The following FAM110B variants were observed in gnomAD, a reference collection of about 807,000 sequenced individuals.
The protein encoded by FAM110B is protein FAM110B.
In FAM110B, 6 loss-of-function variants were observed where a neutral mutation model predicts 20.4. The ratio of observed to expected loss-of-function variants is 0.29; its 90% CI spans 0.16 to 0.58. FAM110B has a LOEUF of 0.58. FAM110B is among the 20% of genes least tolerant of loss of function. The pLI is 0.90. For missense variants in FAM110B, 434 were observed against 498.2 expected, an observed-to-expected ratio of 0.87 and a Z score of 1.23; for synonymous variants, 226 against 214.1, an observed-to-expected ratio of 1.06 and a Z score of -0.49.
chr8:58,003,735 C>T (rs893314271), intron 1 of FAM110B, among the ~76,000 whole-genome samples: 1 of 152,142 alleles, frequency 6.6e-6, no homozygotes. Context: ...TTAAAATATT[C>T]AGTAGATCAT....
intron 3 of FAM110B, among the ~76,000 whole-genome samples, chr8:58,119,913 A>C (rs950617847): frequency 2.0e-5 from 3 of 152,242 alleles, no homozygotes; most frequent in African/African-American, 7.2e-5. Flanking sequence ...GAGAAAACCA[A>C]GACTCAGGTT....
At chr8:57,996,071 C>T (rs1354799473) in intron 1 of FAM110B, among the ~76,000 whole-genome samples, 2 of 152,170 alleles carry the variant, frequency 1.3e-5, no homozygotes, top group East Asian at 3.8e-4. Flanking sequence ...ATTTTTGTGA[C>T]ATCACAACCC....
At chr8:58,078,610 G>T (rs1319128453) in intron 3 of FAM110B, among the ~76,000 whole-genome samples, 2 of 145,644 alleles carry the variant, frequency 1.4e-5, no homozygotes, top group Non-Finnish European at 3.0e-5. Flanking sequence ...GAGTGCAGTG[G>T]TGCGATCTCG....
intron 2 of FAM110B, among the ~76,000 whole-genome samples, chr8:58,033,629 G>A (rs1805015984): frequency 6.6e-6 from 1 of 152,154 alleles, no homozygotes; most frequent in South Asian, 2.1e-4. Context: ...CTTCTCAAAA[G>A]GAGACATAAC....
chr8:58,035,887 C>G (rs1180793851), intron 2 of FAM110B, among the ~76,000 whole-genome samples: 1 of 152,012 alleles, frequency 6.6e-6, no homozygotes, highest in Non-Finnish European at 1.5e-5. Flanking sequence ...CCCTGCTTGC[C>G]CCTTCCCCCT....
chr8:58,007,626 A>G (rs532669246), intron 1 of FAM110B, among the ~76,000 whole-genome samples: 14 of 152,160 alleles, frequency 9.2e-5, no homozygotes, highest in Non-Finnish European at 2.1e-4. Flanking sequence ...GTGCCCTTGT[A>G]AAAGAAACCC....
intron 3 of FAM110B, among the ~76,000 whole-genome samples, chr8:58,105,813 G>T (rs529472714): frequency 6.6e-6 from 1 of 151,688 alleles, no homozygotes; most frequent in Non-Finnish European, 1.5e-5. Context: ...CTTGTGATCC[G>T]CCCGCCTCAG....
chr8:58,013,694 A>C (rs950403077), intron 1 of FAM110B, among the ~76,000 whole-genome samples: 3 of 152,134 alleles, frequency 2.0e-5, no homozygotes, highest in Non-Finnish European at 4.4e-5. Context: ...TTATCTTGAC[A>C]CATCATCCTC....
chr8:58,078,673 C>T (rs1216772532), intron 3 of FAM110B, among the ~76,000 whole-genome samples: 5 of 151,492 alleles, frequency 3.3e-5, no homozygotes, highest in Non-Finnish European at 7.4e-5. Context: ...GCCTCAGCCT[C>T]CCAAGTAGCT....
chr8:58,116,078 G>A (rs1345162128), intron 3 of FAM110B, among the ~76,000 whole-genome samples: 1 of 152,184 alleles, frequency 6.6e-6, no homozygotes, highest in Non-Finnish European at 1.5e-5. Context: ...TACTAGTATG[G>A]AAGACATACA....
intron 1 of FAM110B, among the ~76,000 whole-genome samples, chr8:58,012,472 T>C (rs1269837455): frequency 6.6e-6 from 1 of 152,174 alleles, no homozygotes; most frequent in East Asian, 1.9e-4. Context: ...TTTATTTTGA[T>C]AGGTGAGAAA....
intron 1 of FAM110B, among the ~76,000 whole-genome samples, chr8:58,011,893 T>C (rs945818252): frequency 5.9e-5 from 9 of 152,218 alleles, no homozygotes; most frequent in Non-Finnish European, 7.3e-5. Flanking sequence ...CAAGGAGTTA[T>C]GTTAGACCCC....
intron 3 of FAM110B, among the ~76,000 whole-genome samples, chr8:58,143,874 A>T (rs1803796408): frequency 6.6e-6 from 1 of 152,236 alleles, no homozygotes; most frequent in African/African-American, 2.4e-5. Context: ...TGAGAACTAC[A>T]ACTCATCTTC....
intron 2 of FAM110B, among the ~76,000 whole-genome samples, chr8:58,064,756 A>G (rs1413636367): frequency 6.6e-6 from 1 of 152,228 alleles, no homozygotes; most frequent in Non-Finnish European, 1.5e-5. Context: ...AATGTTCCAG[A>G]TGAGAAAATT....
At chr8:58,063,855 A>T (rs73236461) in intron 2 of FAM110B, among the ~76,000 whole-genome samples, 7,436 of 152,250 alleles carry the variant, frequency 0.049, 220 homozygotes, top group South Asian at 0.11. Context: ...TGCCTTATAA[A>T]GGTGTATTAG....
At chr8:58,013,072 G>A (rs1804570807) in intron 1 of FAM110B, among the ~76,000 whole-genome samples, 1 of 152,186 alleles carries the variant, frequency 6.6e-6, no homozygotes, top group Non-Finnish European at 1.5e-5. Context: ...AGACCTGGGA[G>A]GGGCTGTGGA....
At chr8:57,995,670 G>A (rs1804170639) in intron 1 of FAM110B, among the ~76,000 whole-genome samples, 1 of 152,174 alleles carries the variant, frequency 6.6e-6, no homozygotes, top group African/African-American at 2.4e-5. Context: ...TTTGCAGTGT[G>A]CTTAAATTAC....
chr8:58,103,985 T>TA, intron 3 of FAM110B, among the ~76,000 whole-genome samples: 1 of 152,362 alleles, frequency 6.6e-6, no homozygotes, highest in East Asian at 1.9e-4. Context: ...AGGGCTTACC[T>TA]ATTATGTATG....
intron 2 of FAM110B, among the ~76,000 whole-genome samples, chr8:58,052,976 G>A (rs1173657972): frequency 6.6e-6 from 1 of 150,454 alleles, no homozygotes; most frequent in African/African-American, 2.5e-5. Context: ...TAGTAGAGAC[G>A]GGGTTTCACC....
Sources: allele counts gnomAD v4.1 joint callset (sites outside exome capture counted in the v4.1 genomes callset), GRCh38; gene constraint gnomAD v4.1.1; transcripts MANE v1.5; gene names NCBI Gene and HGNC (gene_info 2026-07-23, HGNC 2026-07-21).